BACH2: variants seen among roughly 807,000 people sequenced by gnomAD.
The protein encoded by BACH2 is transcription regulator protein BACH2.
A neutral mutation model predicts 61.8 loss-of-function variants in BACH2; 5 were observed. The observed-to-expected ratio is 0.08, with a 90% CI of 0.04 to 0.17. The LOEUF is 0.17. BACH2 is among the 10% of genes least tolerant of loss of function. The probability of loss-of-function intolerance (pLI) is 1.00; values close to 1 mark genes in which losing one functional copy is unlikely to be tolerated. For synonymous variants in BACH2, 446 were observed against 440.1 expected (o/e 1.01, Z -0.17); for missense variants, 824 against 1,091.1 (o/e 0.76, Z 3.45).
At chr6:90,164,676 C>T (rs1767543462) in intron 4 of BACH2, among the ~76,000 whole-genome samples, 1 of 152,118 alleles carries the variant, frequency 6.6e-6, no homozygotes, top group Non-Finnish European at 1.5e-5. Context: ...AAAATACTGG[C>T]AAAACAAATC....
At chr6:90,038,236 T>G (rs971670372) in intron 5 of BACH2, among the ~76,000 whole-genome samples, 4 of 152,196 alleles carry the variant, frequency 2.6e-5, no homozygotes, top group Non-Finnish European at 4.4e-5. Flanking sequence ...CAATCAATGA[T>G]TTTCTTTCAA....
At chr6:90,068,328 A>G (rs770022387) in intron 5 of BACH2, among the ~76,000 whole-genome samples, 24 of 152,230 alleles carry the variant, frequency 1.6e-4, no homozygotes, top group Non-Finnish European at 2.6e-4. Context: ...TGAGTACAGT[A>G]GTGATGAATC....
intron 5 of BACH2, among the ~76,000 whole-genome samples, chr6:90,067,887 A>C (rs1410863585): frequency 6.6e-6 from 1 of 152,100 alleles, no homozygotes; most frequent in Non-Finnish European, 1.5e-5. Context: ...ATACCACAGG[A>C]CTTGACATAT....
At chr6:89,937,900 G>T (rs1773122431) in intron 8 of BACH2, among the ~76,000 whole-genome samples, 1 of 152,158 alleles carries the variant, frequency 6.6e-6, no homozygotes, top group Non-Finnish European at 1.5e-5. Flanking sequence ...AATGACTGAA[G>T]GATATAAAAT....
At chr6:89,936,152 T>C (rs967720518) in intron 8 of BACH2, among the ~76,000 whole-genome samples, 1 of 152,224 alleles carries the variant, frequency 6.6e-6, no homozygotes, top group Non-Finnish European at 1.5e-5. Context: ...CTTGAGGAAC[T>C]GACAGTTGAG....
chr6:90,288,263 T>C (rs1002176321), intron 1 of BACH2, among the ~76,000 whole-genome samples: 2 of 152,100 alleles, frequency 1.3e-5, no homozygotes, highest in African/African-American at 4.8e-5. Flanking sequence ...TCAGCAGCTT[T>C]AATTTAAGCT....
chr6:90,273,952 C>A (rs944723896), intron 1 of BACH2, among the ~76,000 whole-genome samples: 1 of 152,196 alleles, frequency 6.6e-6, no homozygotes, highest in Admixed American at 6.5e-5. Flanking sequence ...AAGCTCCTAT[C>A]ATATAATCAG....
intron 5 of BACH2, among the ~76,000 whole-genome samples, chr6:90,049,204 TG>T (rs1434970375): frequency 6.6e-6 from 1 of 152,202 alleles, no homozygotes; most frequent in Non-Finnish European, 1.5e-5. Flanking sequence ...GTTACTATAT[TG>T]AACAGGACAG....
chr6:90,251,899 T>C (rs559690613), intron 3 of BACH2, among the ~76,000 whole-genome samples: 1 of 152,336 alleles, frequency 6.6e-6, no homozygotes, highest in African/African-American at 2.4e-5. Context: ...ACACATGATA[T>C]ACTTTCTGAG....
rs142761642 is a variant in BACH2, at chr6:90,092,315, T to TATATATATATACAC, written c.-161-3207_-161-3206insGTGTATATATATAT. Among the ~76,000 whole-genome samples the TATATATATATACAC allele has an allele frequency of 6.0e-4, 67 of 112,406 alleles. 1 individual carries two copies. The East Asian group carries it at 0.021, about 35-fold the overall frequency. 73.7% of individuals were successfully genotyped at this position (112,406 alleles called of 152,430 possible). On this transcript the variant is annotated intron_variant, in intron 4 of 8. Coordinates refer to ENST00000257749, the MANE Select transcript of BACH2 (RefSeq NM_021813.4). ...AAATATATATATATATATATATATA[T>TATATATATATACAC]ACACACACACACATTGCATCACTTG...
intron 5 of BACH2, among the ~76,000 whole-genome samples, chr6:90,079,401 G>A (rs900253583): frequency 5.3e-5 from 8 of 152,142 alleles, no homozygotes; most frequent in African/African-American, 1.9e-4. Flanking sequence ...CCAAGAAGAT[G>A]GATGTTGTAA....
At chr6:90,020,546 C>T (rs1423515365) in intron 5 of BACH2, among the ~76,000 whole-genome samples, 1 of 148,420 alleles carries the variant, frequency 6.7e-6, no homozygotes, top group African/African-American at 2.5e-5. Flanking sequence ...CCAGATGCGG[C>T]CCCTAGACCT....
At chr6:89,962,399 A>ATCTTTAC (rs2128359339) in intron 6 of BACH2, among the ~76,000 whole-genome samples, 1 of 152,316 alleles carries the variant, frequency 6.6e-6, no homozygotes, top group African/African-American at 2.4e-5. Context: ...CCCAATGAGC[A>ATCTTTAC]GCTGTTGGTT....
chr6:90,177,949 T>C (rs1259384140), intron 4 of BACH2, among the ~76,000 whole-genome samples: 1 of 152,162 alleles, frequency 6.6e-6, no homozygotes, highest in African/African-American at 2.4e-5. Flanking sequence ...GAAGCCACTT[T>C]TGGTCAAGAA....
intron 1 of BACH2, among the ~76,000 whole-genome samples, chr6:90,274,232 TGATGA>T (rs755740051): frequency 1.3e-5 from 2 of 152,232 alleles, no homozygotes; most frequent in South Asian, 2.1e-4. Flanking sequence ...TTCTATGCCC[TGATGA>T]GAGAATATAT....
intron 4 of BACH2, among the ~76,000 whole-genome samples, chr6:90,099,880 A>G (rs1448532955): frequency 2.6e-5 from 4 of 152,190 alleles, no homozygotes; most frequent in Non-Finnish European, 5.9e-5. Flanking sequence ...CTAATATCAG[A>G]ACATTTCCAT....
At chr6:90,068,069 C>G (rs1781047644) in intron 5 of BACH2, among the ~76,000 whole-genome samples, 1 of 152,178 alleles carries the variant, frequency 6.6e-6, no homozygotes, top group East Asian at 1.9e-4. Context: ...AAAGCATAAA[C>G]AAAATCACTG....
At chr6:90,244,950 T>G (rs1182152704) in intron 3 of BACH2, among the ~76,000 whole-genome samples, 1 of 152,198 alleles carries the variant, frequency 6.6e-6, no homozygotes, top group Non-Finnish European at 1.5e-5. Flanking sequence ...TCCCAGCACT[T>G]TGGGAGGCCA....
intron 5 of BACH2, among the ~76,000 whole-genome samples, chr6:90,037,642 T>C (rs1779325772): frequency 6.6e-6 from 1 of 152,226 alleles, no homozygotes; most frequent in Non-Finnish European, 1.5e-5. Context: ...GCAACTCTGA[T>C]ACTCTTTTAA....
Sources: gnomAD v4.1 joint callset for allele counts (sites outside exome capture counted in the v4.1 genomes callset) on GRCh38, gnomAD v4.1.1 for gene constraint, MANE v1.5 for transcripts, NCBI Gene and HGNC (gene_info 2026-07-23, HGNC 2026-07-21) for gene names.